SHB: variants seen among roughly 807,000 people sequenced by gnomAD.
SHB encodes the protein SH2 domain-containing adapter protein B.
Under a neutral mutation model 52.3 loss-of-function variants are expected in SHB, and 20 were observed. The observed-to-expected ratio is 0.38, with a 90% confidence interval of 0.27 to 0.56. The LOEUF (loss-of-function observed/expected upper bound fraction) is 0.56, where lower values mean the gene tolerates loss of function less well. Among genes scored for constraint, SHB ranks in the 20% least tolerant of loss-of-function variants. The pLI is 0.71. For missense variants in SHB, 825 were observed against 723.3 expected (o/e 1.14, Z -1.61); for synonymous variants, 397 against 316.5 (o/e 1.25, Z -2.70).
At chr9:38,003,956 T>A (rs1217746852) in intron 2 of SHB, among the ~76,000 whole-genome samples, 1 of 152,072 alleles carries the variant, frequency 6.6e-6, no homozygotes, top group African/African-American at 2.4e-5. Flanking sequence ...CTGCTTCTGT[T>A]ACTGGGGAGG....
chr9:37,999,503 T>C (rs1587236898), intron 2 of SHB, among the ~76,000 whole-genome samples: 1 of 152,168 alleles, frequency 6.6e-6, no homozygotes, highest in African/African-American at 2.4e-5. Context: ...AATTCGAAAG[T>C]AGGCTTCTGT....
At chr9:37,951,266 G>A (rs927073103) in intron 4 of SHB, among the ~76,000 whole-genome samples, 8 of 152,224 alleles carry the variant, frequency 5.3e-5, no homozygotes, top group African/African-American at 1.9e-4. Flanking sequence ...GGAAGAGCAT[G>A]CAGACCACAG....
chr9:38,007,973 C>A (rs1035456811), intron 2 of SHB, among the ~76,000 whole-genome samples: 1 of 152,156 alleles, frequency 6.6e-6, no homozygotes, highest in East Asian at 1.9e-4. Context: ...AGAGGCTGTA[C>A]CACTCCTTCT....
At chr9:38,000,158 G>C (rs149572608) in intron 2 of SHB, among the ~76,000 whole-genome samples, 90 of 152,342 alleles carry the variant, frequency 5.9e-4, no homozygotes, top group East Asian at 2.1e-3. Context: ...AGAGAGAAAA[G>C]AGAGGGAGCG....
intron 3 of SHB, among the ~76,000 whole-genome samples, chr9:37,956,309 C>T (rs571960394): frequency 4.6e-5 from 7 of 152,310 alleles, no homozygotes; most frequent in Non-Finnish European, 1.0e-4. Context: ...CTTACCCCCA[C>T]AGAAACCTCC....
At chr9:38,045,945 A>G (rs1260453657) in intron 1 of SHB, among the ~76,000 whole-genome samples, 1 of 152,056 alleles carries the variant, frequency 6.6e-6, no homozygotes, top group African/African-American at 2.4e-5. Context: ...GAAAAGAGGC[A>G]CCAGGCACAG....
chr9:38,067,885 A>G lies in SHB; in HGVS notation c.717+44T>C, dbSNP rs374519832. 3.5e-5 allele frequency: 50 copies of G among 1,414,378 alleles called. 3 individuals are homozygous for G. The African/African-American group carries it at 5.7e-4, about 16-fold the overall frequency. The allele number at this position is 1,414,378 out of a possible 1,614,324, so 87.6% of individuals were successfully genotyped here. A position where few individuals can be genotyped will look rare whatever the true frequency, so the allele number is the denominator to read the frequency against. On this transcript the variant is annotated intron_variant, in intron 1 of 5. Transcript: ENST00000377707. ...CGGGTGCCTCGGTTTCCCCGTGCGC[A>G]CCGTGGCTCTGGAACCTCGGGAAGA...
chr9:37,928,804 C>T (rs1832279717), intron 5 of SHB, among the ~76,000 whole-genome samples: 1 of 152,240 alleles, frequency 6.6e-6, no homozygotes, highest in Admixed American at 6.5e-5. Context: ...TGCCAAATGG[C>T]TTGGTTCCAG....
In SHB at chr9:38,069,084, C is replaced by T. The variant is rs1211318294; in HGVS notation, c.-439G>A. 6 of 151,928 alleles carry T rather than the reference C, an allele frequency of 3.9e-5. No individual in the cohort carries two copies. In the East Asian group the frequency reaches 1.2e-3, roughly 30 times the overall value. 9.4% of individuals were successfully genotyped at this position (151,928 alleles called of 1,614,324 possible). ...CTCGGCGTCCTCGGCTCCCTTCTTC[C>T]TTCCTGCGAGCGCTGGGGAGAGCTC... On this transcript the variant is annotated 5_prime_UTR_variant, in exon 1 of 6. Transcript: ENST00000377707.
At chr9:37,987,053 C>T (rs548628035) in intron 2 of SHB, among the ~76,000 whole-genome samples, 1 of 152,342 alleles carries the variant, frequency 6.6e-6, no homozygotes, top group South Asian at 2.1e-4. Flanking sequence ...TACCCCTTAC[C>T]CTGTGGGGGC....
chr9:38,041,557 G>C (rs1268197931), intron 1 of SHB, among the ~76,000 whole-genome samples: 1 of 152,146 alleles, frequency 6.6e-6, no homozygotes, highest in African/African-American at 2.4e-5. Flanking sequence ...CAAGTGCAGA[G>C]GTATAAAACT....
chr9:38,022,351 G>A (rs959651884), intron 1 of SHB, among the ~76,000 whole-genome samples: 1 of 152,170 alleles, frequency 6.6e-6, no homozygotes, highest in African/African-American at 2.4e-5. Flanking sequence ...CGACTGCATC[G>A]TAATTCAACA....
At chr9:37,952,439 T>G (rs774974543) in intron 4 of SHB, among the ~76,000 whole-genome samples, 39 of 152,154 alleles carry the variant, frequency 2.6e-4, no homozygotes, top group Non-Finnish European at 4.4e-5. Context: ...CCAGGCACTG[T>G]GAGCAGCGGG....
intron 1 of SHB, among the ~76,000 whole-genome samples, chr9:38,065,614 C>T (rs999591226): frequency 6.6e-6 from 1 of 152,194 alleles, no homozygotes; most frequent in Non-Finnish European, 1.5e-5. Context: ...CTGGCTGCCT[C>T]CTCCCTCCTG....
At chr9:38,066,929 A>G (rs1009686594) in intron 1 of SHB, among the ~76,000 whole-genome samples, 2 of 152,160 alleles carry the variant, frequency 1.3e-5, no homozygotes, top group African/African-American at 4.8e-5. Context: ...GCCACGCACC[A>G]GGGCGCTGAG....
At chr9:37,973,287 G>A (rs754305958) in intron 3 of SHB, among the ~76,000 whole-genome samples, 46 of 152,040 alleles carry the variant, frequency 3.0e-4, no homozygotes, top group Non-Finnish European at 5.7e-4. Context: ...GCAATGGTGC[G>A]ATCTCGGCTC....
chr9:37,925,129 T>C (rs545839221), intron 5 of SHB, among the ~76,000 whole-genome samples: 1 of 152,322 alleles, frequency 6.6e-6, no homozygotes, highest in Admixed American at 6.5e-5. Flanking sequence ...TCCACCCATC[T>C]ATCCATCCAT....
chr9:37,947,978 T>A (rs1832513371), intron 5 of SHB, among the ~76,000 whole-genome samples: 1 of 152,224 alleles, frequency 6.6e-6, no homozygotes, highest in African/African-American at 2.4e-5. Context: ...CGTCCAGCAA[T>A]AGCACCCAAC....
intron 1 of SHB, among the ~76,000 whole-genome samples, chr9:38,026,345 C>A (rs1209367396): frequency 6.6e-6 from 1 of 152,236 alleles, no homozygotes; most frequent in Non-Finnish European, 1.5e-5. Context: ...AGCACGAGAT[C>A]GGGCCAGCAC....
Sources: gnomAD v4.1 joint callset for allele counts (sites outside exome capture counted in the v4.1 genomes callset) on GRCh38, gnomAD v4.1.1 for gene constraint, MANE v1.5 for transcripts, NCBI Gene and HGNC (gene_info 2026-07-23, HGNC 2026-07-21) for gene names.